The following UBR1 variants were observed in gnomAD, a reference collection of about 807,000 sequenced individuals.
UBR1 encodes ubiquitin protein ligase E3 component n-recognin 1, also known as E3 ubiquitin-protein ligase UBR1.
In UBR1, 102 loss-of-function variants were observed where a neutral mutation model predicts 242.1. That is an observed-to-expected ratio of 0.42 (90% CI 0.36 to 0.50). The LOEUF (loss-of-function observed/expected upper bound fraction) is 0.50. Among genes scored for constraint, UBR1 ranks in the 20% least tolerant of loss-of-function variants. The probability of loss-of-function intolerance (pLI) is 0.01; values close to 1 mark genes in which losing one functional copy is unlikely to be tolerated. For missense variants in UBR1, 1,772 were observed against 2,101.8 expected, an observed-to-expected ratio of 0.84 and a Z score of 3.07; for synonymous variants, 675 against 684.8, an observed-to-expected ratio of 0.99 and a Z score of 0.22.
At chr15:43,017,960 T>G (rs554102960) in intron 27 of UBR1, among the ~76,000 whole-genome samples, 64 of 152,060 alleles carry the variant, frequency 4.2e-4, no homozygotes, top group African/African-American at 1.5e-3. Flanking sequence ...TCTTTTCACT[T>G]AATCATTTAT....
chr15:43,016,273 A>G (rs1214983938), intron 28 of UBR1, among the ~76,000 whole-genome samples: 1 of 152,204 alleles, frequency 6.6e-6, no homozygotes, highest in African/African-American at 2.4e-5. Context: ...AATTTTTTTA[A>G]CTTTAACAAT....
At chr15:43,065,283 C>T (rs531785561) in intron 6 of UBR1, among the ~76,000 whole-genome samples, 3 of 152,234 alleles carry the variant, frequency 2.0e-5, no homozygotes, top group Admixed American at 1.3e-4. Flanking sequence ...TATCTCTATT[C>T]TTTTTGCCTT....
chr15:43,066,717 T>C (rs1018490905), intron 6 of UBR1, among the ~76,000 whole-genome samples: 1 of 152,198 alleles, frequency 6.6e-6, no homozygotes, highest in African/African-American at 2.4e-5. Flanking sequence ...TCTGTAGCAA[T>C]TGTGAATGGG....
At chr15:43,069,377 C>T (rs765263685) in intron 5 of UBR1, among the ~76,000 whole-genome samples, 26 of 151,792 alleles carry the variant, frequency 1.7e-4, no homozygotes, top group Middle Eastern at 3.4e-3. Flanking sequence ...CCTGGGTTCA[C>T]GCCATTCTCA....
chr15:43,061,468 C>T (rs1295156057), intron 6 of UBR1, among the ~76,000 whole-genome samples: 2 of 152,142 alleles, frequency 1.3e-5, no homozygotes, highest in Non-Finnish European at 2.9e-5. Flanking sequence ...AAAATCACGG[C>T]ACCAACTGAA....
chr15:42,975,701 T>A (rs1274977485), intron 39 of UBR1, among the ~76,000 whole-genome samples: 2 of 152,040 alleles, frequency 1.3e-5, no homozygotes, highest in Non-Finnish European at 2.9e-5. Context: ...TTTTTTTTCT[T>A]CTTTTTTTAA....
chr15:43,069,330 G>A (rs775822975), intron 5 of UBR1, among the ~76,000 whole-genome samples: 7 of 150,998 alleles, frequency 4.6e-5, no homozygotes, highest in Non-Finnish European at 8.8e-5. Flanking sequence ...AGGCTGGAGT[G>A]CAGTGGCGCA....
chr15:42,988,876 C>T lies in UBR1; in HGVS notation c.3940G>A (p.Asp1314Asn). 1 of 1,614,170 alleles carries T rather than the reference C, an allele frequency of 6.2e-7. No homozygotes were observed. Among genetic ancestry groups the T allele is most frequent in the East Asian group, 2.2e-5 (1 of 44,880 alleles). ...CAGGTCAGCATGGGGACTCGAGGAT[C>T]CCTTTCATCAGGTGGCACTTTCAAT... ...IGLKVPPDER[D>N]PRVPMLTWST... Residue 1314 changes from aspartate to asparagine, a missense_variant, in exon 35 of 47, where the codon GAT (aspartate) becomes AAT (asparagine). By Grantham distance (23) the Asp-to-Asn change is conservative. Coordinates refer to ENST00000290650, the MANE Select transcript of UBR1 (RefSeq NM_174916.3).
At chr15:43,055,133 T>C (rs2033601279) in intron 11 of UBR1, among the ~76,000 whole-genome samples, 1 of 152,308 alleles carries the variant, frequency 6.6e-6, no homozygotes, top group African/African-American at 2.4e-5. Context: ...CCAAGCCCAT[T>C]AGACAGGTTA....
intron 1 of UBR1, among the ~76,000 whole-genome samples, chr15:43,094,873 C>T (rs1196684191): frequency 6.6e-6 from 1 of 152,204 alleles, no homozygotes; most frequent in Non-Finnish European, 1.5e-5. Flanking sequence ...AGTCCACTCT[C>T]TTTTCTTTCC....
intron 39 of UBR1, 75 bp from the exon 40 acceptor site, chr15:42,970,682 C>G (rs2032190104): frequency 7.4e-7 from 1 of 1,343,538 alleles, no homozygotes; most frequent in South Asian, 1.2e-5. Context: ...TTTCATTGTT[C>G]CAAGACAATA....
At chr15:43,054,021 TACGGAGGATCAA>T (rs2033587095) in intron 12 of UBR1, among the ~76,000 whole-genome samples, 1 of 152,076 alleles carries the variant, frequency 6.6e-6, no homozygotes, top group African/African-American at 2.4e-5. Flanking sequence ...AACCCACAAA[TACGGAGGATCAA>T]CTGTATAGCA....
At chr15:43,005,479 C>A in intron 30 of UBR1, among the ~76,000 whole-genome samples, 1 of 151,580 alleles carries the variant, frequency 6.6e-6, no homozygotes, top group Admixed American at 6.6e-5. Flanking sequence ...GGGGGGGCAG[C>A]CCCTGCCCAG....
chr15:42,997,657 C>T (rs969196626), intron 33 of UBR1, among the ~76,000 whole-genome samples: 8 of 152,180 alleles, frequency 5.3e-5, no homozygotes, highest in African/African-American at 1.9e-4. Flanking sequence ...ACATTACTAA[C>T]CACACATTAA....
Position 42,976,857 on chromosome 15 carries a change from A to G in UBR1, c.4229T>C (p.Val1410Ala), listed in dbSNP as rs368739715. 4 of 1,613,644 alleles carry G rather than the reference A, an allele frequency of 2.5e-6. No homozygotes were observed. In the African/African-American group the frequency reaches 5.3e-5, roughly 22 times the overall value. Reference sequence around the variant, plus strand: ...CCAATACAAGGATGGGAATGCTAACACAGCACCCACCTATGAGAGAAAAAT... The same window carrying G: ...CCAATACAAGGATGGGAATGCTAACGCAGCACCCACCTATGAGAGAAAAAT... ...IDLFHVLVGA[V>A]LAFPSLYWDD... Residue 1410 changes from valine to alanine, a missense_variant, in exon 39 of 47, where the codon GTG becomes GCG. Physicochemically the swap from Val to Ala is moderately conservative, Grantham distance 64. Coordinates refer to ENST00000290650, the MANE Select transcript of UBR1 (RefSeq NM_174916.3).
chr15:42,970,722 T>C (rs1422432024), intron 39 of UBR1, 115 bp from the exon 40 acceptor site: 2 of 970,890 alleles, frequency 2.1e-6, no homozygotes, highest in African/African-American at 1.7e-5. Flanking sequence ...ACTGAGGTTC[T>C]TTCCTTTTTT....
intron 44 of UBR1, 97 bp downstream of exon 44, chr15:42,957,916 A>C: frequency 9.0e-7 from 1 of 1,108,610 alleles, no homozygotes; most frequent in East Asian, 2.4e-5. Flanking sequence ...CAAACAAAAA[A>C]ACAAAAACAA....
At chr15:42,962,761 A>C (rs2032044424) in intron 42 of UBR1, among the ~76,000 whole-genome samples, 1 of 152,192 alleles carries the variant, frequency 6.6e-6, no homozygotes, top group Admixed American at 6.5e-5. Flanking sequence ...AAGTGCTGGG[A>C]TTACATGCAT....
At chr15:43,081,371 C>T (rs538283382) in intron 3 of UBR1, among the ~76,000 whole-genome samples, 2 of 142,390 alleles carry the variant, frequency 1.4e-5, no homozygotes, top group African/African-American at 2.6e-5. Context: ...GAGCCGAGAT[C>T]GCACCATTGC....
Sources: gnomAD v4.1 joint callset for allele counts (sites outside exome capture counted in the v4.1 genomes callset) on GRCh38, gnomAD v4.1.1 for gene constraint, MANE v1.5 for transcripts, NCBI Gene and HGNC (gene_info 2026-07-23, HGNC 2026-07-21) for gene names.